CDH8: variants seen among roughly 807,000 people sequenced by gnomAD.
The protein encoded by CDH8 is cadherin-8.
In CDH8, 17 loss-of-function variants were observed where a neutral mutation model predicts 68.1. The ratio of observed to expected loss-of-function variants is 0.25; its 90% CI spans 0.17 to 0.37. The LOEUF (loss-of-function observed/expected upper bound fraction) is 0.37. Among genes scored for constraint, CDH8 ranks in the 10% least tolerant of loss-of-function variants. The pLI is 1.00. For synonymous variants in CDH8, 372 were observed against 365.1 expected (o/e 1.02, Z -0.21); for missense variants, 763 against 999.3 (o/e 0.76, Z 3.19).
At chr16:61,917,850 A>G (rs1964269047) in intron 2 of CDH8, among the ~76,000 whole-genome samples, 1 of 152,134 alleles carries the variant, frequency 6.6e-6, no homozygotes, top group East Asian at 1.9e-4. Context: ...TGAGGACTTT[A>G]GACCTAAGCC....
At chr16:61,880,595 T>G (rs1295358715) in intron 3 of CDH8, among the ~76,000 whole-genome samples, 1 of 152,108 alleles carries the variant, frequency 6.6e-6, no homozygotes, top group Non-Finnish European at 1.5e-5. Context: ...GACTTCACAG[T>G]TGAGAAGTAG....
chr16:61,882,659 G>A (rs977292723), intron 3 of CDH8, among the ~76,000 whole-genome samples: 1 of 152,116 alleles, frequency 6.6e-6, no homozygotes, highest in African/African-American at 2.4e-5. Context: ...CTTATAAGTG[G>A]GAGCTAGATA....
chr16:61,781,570 T>A (rs1316382801), intron 8 of CDH8, among the ~76,000 whole-genome samples: 1 of 152,284 alleles, frequency 6.6e-6, no homozygotes, highest in South Asian at 2.1e-4. Flanking sequence ...TATGATATAG[T>A]GCCTGGGCAA....
At chr16:61,760,186 T>C (rs1221504130) in intron 8 of CDH8, among the ~76,000 whole-genome samples, 1 of 152,166 alleles carries the variant, frequency 6.6e-6, no homozygotes, top group African/African-American at 2.4e-5. Flanking sequence ...GCCTTACCCA[T>C]ACTATACATT....
At chr16:61,803,546 A>T (rs1230047711) in intron 7 of CDH8, among the ~76,000 whole-genome samples, 1 of 152,102 alleles carries the variant, frequency 6.6e-6, no homozygotes, top group Admixed American at 6.5e-5. Flanking sequence ...GTCAAGACCC[A>T]TCAGTGTGCT....
chr16:61,743,724 C>T (rs1183842620), intron 8 of CDH8, among the ~76,000 whole-genome samples: 1 of 152,038 alleles, frequency 6.6e-6, no homozygotes, highest in Non-Finnish European at 1.5e-5. Flanking sequence ...TTTTCAGCCC[C>T]TTTGAAGTGG....
chr16:61,974,985 A>T (rs1712652757), intron 2 of CDH8, among the ~76,000 whole-genome samples: 1 of 152,200 alleles, frequency 6.6e-6, no homozygotes, highest in African/African-American at 2.4e-5. Context: ...TCTTTCTGAC[A>T]TGACCTTTAG....
At chr16:61,956,261 T>C (rs528854887) in intron 2 of CDH8, among the ~76,000 whole-genome samples, 1 of 152,152 alleles carries the variant, frequency 6.6e-6, no homozygotes, top group Non-Finnish European at 1.5e-5. Flanking sequence ...CTGATCTCCT[T>C]TTTTAAAAAT....
In CDH8 at chr16:61,820,992, A is replaced by G. The variant is rs1321385523; in HGVS notation, c.957T>C (p.Asp319=). The change falls in exon 6 of 12, where the codon GAT becomes GAC. Residue 319 remains aspartate, a synonymous_variant. Transcript: ENST00000577390. ...AAGTGATTTCAAAAAGTGCTGTTCC[A>G]TCTCCATCGATGATATCATATGATG... The part of the protein sequence containing the change: ...AQSSYDIIDG[D]GTALFEITSD... 4 of 1,612,898 alleles carry G rather than the reference A, an allele frequency of 2.5e-6. No homozygotes were observed. The highest frequency in any genetic ancestry group is 3.4e-6 in the Non-Finnish European group (4 of 1,179,310).
rs1162890524 is a variant in CDH8 at position 61,907,416 on chromosome 16, T to C, written c.253-5943A>G. 4.1e-4 allele frequency among the ~76,000 whole-genome samples: 63 copies of C among 152,042 alleles called. 1 individual carries two copies. The highest frequency in any genetic ancestry group is 4.1e-3 in the Admixed American group (62 of 15,262). On this transcript the variant is annotated intron_variant, in intron 2 of 11. Transcript: ENST00000577390. ...CCTAAGGGCCAGACATGGTGGTTCA[T>C]GCTTGTAATCCCAACACTTAGAGAG...
rs1307755516 is a variant in CDH8 at position 61,982,077 on chromosome 16, A to C, written c.252+39075T>G. On this transcript the variant is annotated intron_variant, in intron 2 of 11. Transcript: ENST00000577390. The stretch of plus-strand genomic sequence containing the variant: ...GATTAGCACATAGTCAGTGCGTCAT[A>C]TGTGTTGAATAAATAAATTACCAAA... Among the ~76,000 whole-genome samples, 4 of 152,138 alleles carry C rather than the reference A, an allele frequency of 2.6e-5. No individual in the cohort carries two copies. The East Asian group carries it at 7.7e-4, about 29-fold the overall frequency.
At chr16:61,961,502 T>G (rs1965154162) in intron 2 of CDH8, among the ~76,000 whole-genome samples, 1 of 152,160 alleles carries the variant, frequency 6.6e-6, no homozygotes, top group Non-Finnish European at 1.5e-5. Context: ...CTTGTTCTCT[T>G]CTTTTTCCTT....
chr16:61,739,976 C>T (rs1596919437), intron 8 of CDH8, among the ~76,000 whole-genome samples: 2 of 146,264 alleles, frequency 1.4e-5, no homozygotes. Flanking sequence ...GGCACAATCT[C>T]GGCTCACTGC....
intron 10 of CDH8, among the ~76,000 whole-genome samples, chr16:61,675,618 TAAAA>T (rs1179475637): frequency 2.4e-5 from 2 of 82,396 alleles, no homozygotes; most frequent in Non-Finnish European, 4.3e-5. Context: ...ATAAAAAAAA[TAAAA>T]AAAATAAAAA....
At chr16:61,906,463 C>G (rs1398432602) in intron 2 of CDH8, among the ~76,000 whole-genome samples, 1 of 152,106 alleles carries the variant, frequency 6.6e-6, no homozygotes, top group African/African-American at 2.4e-5. Flanking sequence ...ATACAGTAAG[C>G]CTTCAATTTC....
intron 3 of CDH8, among the ~76,000 whole-genome samples, chr16:61,886,259 C>A (rs1328667509): frequency 6.6e-6 from 1 of 152,098 alleles, no homozygotes; most frequent in Non-Finnish European, 1.5e-5. Context: ...AAGGCAGACA[C>A]AAGAGTGATA....
At chr16:61,807,230 C>A (rs1961808323) in intron 7 of CDH8, among the ~76,000 whole-genome samples, 2 of 149,680 alleles carry the variant, frequency 1.3e-5, no homozygotes, top group South Asian at 2.1e-4. Flanking sequence ...GAACAAAAAA[C>A]CAAACATGGC....
intron 4 of CDH8, among the ~76,000 whole-genome samples, chr16:61,841,504 T>A (rs1395215385): frequency 6.6e-6 from 1 of 152,168 alleles, no homozygotes; most frequent in African/African-American, 2.4e-5. Context: ...ACATAATGGT[T>A]ATCAGAGGCT....
chr16:62,026,596 G>A (rs918842188), intron 1 of CDH8, among the ~76,000 whole-genome samples: 1 of 152,128 alleles, frequency 6.6e-6, no homozygotes, highest in Non-Finnish European at 1.5e-5. Context: ...CTTGAACTAG[G>A]GTATATGAAT....
Sources: gnomAD v4.1 joint callset for allele counts (sites outside exome capture counted in the v4.1 genomes callset) on GRCh38, gnomAD v4.1.1 for gene constraint, MANE v1.5 for transcripts, NCBI Gene and HGNC (gene_info 2026-07-23, HGNC 2026-07-21) for gene names.